The following PPM1L variants were observed in gnomAD, a reference collection of about 807,000 sequenced individuals.
PPM1L encodes protein phosphatase 1L.
Under a neutral mutation model 31.4 loss-of-function variants are expected in PPM1L, and 13 were observed. The ratio of observed to expected loss-of-function variants is 0.41; its 90% CI spans 0.27 to 0.66. The LOEUF is 0.66. PPM1L is among the 30% of genes least tolerant of loss of function. PPM1L has a pLI of 0.29. For missense variants in PPM1L, 326 were observed against 453.7 expected (o/e 0.72, Z 2.56); for synonymous variants, 184 against 175.4 (o/e 1.05, Z -0.39).
chr3:160,772,564 T>C (rs916042068), intron 1 of PPM1L, among the ~76,000 whole-genome samples: 2 of 152,248 alleles, frequency 1.3e-5, no homozygotes, highest in Admixed American at 6.5e-5. Flanking sequence ...TACTGAAGTA[T>C]GATGCATACA....
At chr3:160,943,864 C>G (rs1179451289) in intron 1 of PPM1L, among the ~76,000 whole-genome samples, 9 of 152,114 alleles carry the variant, frequency 5.9e-5, no homozygotes, top group Admixed American at 5.9e-4. Context: ...CTTCTTTATT[C>G]TAGGGCACTT....
At chr3:160,809,984 G>C (rs548696329) in intron 1 of PPM1L, among the ~76,000 whole-genome samples, 1 of 152,144 alleles carries the variant, frequency 6.6e-6, no homozygotes, top group South Asian at 2.1e-4. Flanking sequence ...AGTTTGTAAT[G>C]GTTATATGAT....
At chr3:160,906,325 C>G (rs1018686227) in intron 1 of PPM1L, among the ~76,000 whole-genome samples, 1 of 152,104 alleles carries the variant, frequency 6.6e-6, no homozygotes, top group African/African-American at 2.4e-5. Flanking sequence ...CCAGGCAGGC[C>G]AGGTGCAGTG....
chr3:160,871,847 T>C (rs1474129146), intron 1 of PPM1L, among the ~76,000 whole-genome samples: 3 of 152,186 alleles, frequency 2.0e-5, no homozygotes, highest in Non-Finnish European at 4.4e-5. Flanking sequence ...AAGTATTCCT[T>C]TTTTATTATG....
At chr3:161,037,871 C>T (rs529869337) in intron 2 of PPM1L, among the ~76,000 whole-genome samples, 2 of 152,144 alleles carry the variant, frequency 1.3e-5, no homozygotes, top group Admixed American at 6.5e-5. Flanking sequence ...TCTTAAGCTG[C>T]AATTATGTTG....
At chr3:160,899,458 T>C (rs1713464907) in intron 1 of PPM1L, among the ~76,000 whole-genome samples, 1 of 152,190 alleles carries the variant, frequency 6.6e-6, no homozygotes, top group Admixed American at 6.5e-5. Flanking sequence ...AGGCACAGAA[T>C]GGTTTTGCCA....
At chr3:160,829,287 A>G (rs1453311514) in intron 1 of PPM1L, among the ~76,000 whole-genome samples, 1 of 152,124 alleles carries the variant, frequency 6.6e-6, no homozygotes, top group Non-Finnish European at 1.5e-5. Flanking sequence ...ATATGGCACC[A>G]ATGAATACTC....
chr3:160,951,646 C>T (rs529984189), intron 1 of PPM1L, among the ~76,000 whole-genome samples: 1 of 152,236 alleles, frequency 6.6e-6, no homozygotes, highest in African/African-American at 2.4e-5. Context: ...CTTGGTGCTA[C>T]CACATGAATA....
At chr3:160,791,546 A>C (rs1712104984) in intron 1 of PPM1L, among the ~76,000 whole-genome samples, 1 of 152,120 alleles carries the variant, frequency 6.6e-6, no homozygotes, top group Admixed American at 6.6e-5. Flanking sequence ...TTCACTGAGC[A>C]CTTGCTGTGT....
chr3:160,766,971 GT>G (rs1715118186), intron 1 of PPM1L, among the ~76,000 whole-genome samples: 3 of 148,442 alleles, frequency 2.0e-5, no homozygotes, highest in Non-Finnish European at 4.4e-5. Flanking sequence ...GCATACCATA[GT>G]GCAAGATGTA....
intron 1 of PPM1L, among the ~76,000 whole-genome samples, chr3:160,887,179 TG>T (rs754549423): frequency 6.6e-6 from 1 of 151,864 alleles, no homozygotes; most frequent in Non-Finnish European, 1.5e-5. Flanking sequence ...TGAAAAGGAA[TG>T]AACAAAGTCT....
intron 2 of PPM1L, among the ~76,000 whole-genome samples, chr3:161,048,220 A>T (rs1181130309): frequency 6.6e-6 from 1 of 152,154 alleles, no homozygotes. Flanking sequence ...GAATCTACAA[A>T]GAACTCAAAC....
intron 1 of PPM1L, among the ~76,000 whole-genome samples, chr3:160,903,787 C>T (rs1465539568): frequency 2.0e-5 from 3 of 151,310 alleles, no homozygotes; most frequent in East Asian, 2.0e-4. Flanking sequence ...GTTCTCTAGG[C>T]GTCTATATTC....
At chr3:160,763,574 G>A (rs1715025002) in intron 1 of PPM1L, among the ~76,000 whole-genome samples, 3 of 152,214 alleles carry the variant, frequency 2.0e-5, no homozygotes, top group Non-Finnish European at 1.5e-5. Context: ...ATACACACAG[G>A]TGAGGAGAGT....
rs118170186 is a variant in PPM1L at position 160,981,389 on chromosome 3, A to G, written c.574+19479A>G. Among the ~76,000 whole-genome samples, 37 of 152,272 alleles carry G rather than the reference A, an allele frequency of 2.4e-4. No homozygotes were observed. In the East Asian group the frequency reaches 7.0e-3, roughly 29 times the overall value. ...GCAGAAAGCTTCATTTCCTGTCTAC[A>G]TGGGTTTCTTCATAAGGCCTCTTGC... On this transcript the variant is annotated intron_variant, in intron 2 of 3. Transcript: ENST00000498165.
rs1017934493 is a variant in PPM1L at position 160,915,832 on chromosome 3, G to T, written c.400-45904G>T. Among the ~76,000 whole-genome samples, 64 of 152,258 alleles carry T rather than the reference G, an allele frequency of 4.2e-4. 1 individual carries two copies. Among genetic ancestry groups the T allele is most frequent in the African/African-American group, 1.4e-3 (60 of 41,550 alleles). ...GAAATGATTCCCTATTTAATAAATG[G>T]TGCTGGGAAAACTGGCTAGCCATAT... On this transcript the variant is annotated intron_variant, in intron 1 of 3. Transcript: ENST00000498165.
At chr3:160,878,328 T>G (rs1712588124) in intron 1 of PPM1L, among the ~76,000 whole-genome samples, 1 of 152,188 alleles carries the variant, frequency 6.6e-6, no homozygotes, top group Non-Finnish European at 1.5e-5. Flanking sequence ...AATCATAGAC[T>G]GGGTGGCTTA....
At chr3:160,780,103 C>T (rs1317643369) in intron 1 of PPM1L, among the ~76,000 whole-genome samples, 1 of 152,026 alleles carries the variant, frequency 6.6e-6, no homozygotes, top group African/African-American at 2.4e-5. Flanking sequence ...CTGCCCATTG[C>T]AGCCTCAAAC....
rs761093753 is a variant in PPM1L at position 160,814,573 on chromosome 3, GTA to G, written c.399+57875_399+57876del. The stretch of plus-strand genomic sequence containing the variant: ...TACACACACACATATGTATGTATGT[GTA>G]TATATATACACACACATATGTATGT... On this transcript the variant is annotated intron_variant, in intron 1 of 3. Coordinates refer to ENST00000498165, the MANE Select transcript of PPM1L (RefSeq NM_139245.4). 7.2e-4 allele frequency among the ~76,000 whole-genome samples: 63 copies of G among 87,330 alleles called. 1 individual carries two copies. Among genetic ancestry groups the G allele is most frequent in the Middle Eastern group, 5.6e-3 (1 of 180 alleles). The allele number at this position is 87,330 out of a possible 152,430, so 57.3% of individuals were successfully genotyped here.
Sources: allele counts gnomAD v4.1 joint callset (sites outside exome capture counted in the v4.1 genomes callset), GRCh38; gene constraint gnomAD v4.1.1; transcripts MANE v1.5; gene names NCBI Gene and HGNC (gene_info 2026-07-23, HGNC 2026-07-21).